PRUNE1: variants seen among roughly 807,000 people sequenced by gnomAD.
PRUNE1 encodes prune exopolyphosphatase 1.
A neutral mutation model predicts 42.5 loss-of-function variants in PRUNE1; 25 were observed. The observed-to-expected ratio is 0.59, with a 90% confidence interval of 0.43 to 0.82. The LOEUF (loss-of-function observed/expected upper bound fraction) is 0.82. PRUNE1 is among the 40% of genes least tolerant of loss of function. The probability of loss-of-function intolerance (pLI) is 0.00; values close to 1 mark genes in which losing one functional copy is unlikely to be tolerated. For missense variants in PRUNE1, 443 were observed against 539.3 expected (o/e 0.82, Z 1.77); for synonymous variants, 203 against 217.1 (o/e 0.93, Z 0.57).
chr1:151,018,708 C>T (rs1401133981), intron 3 of PRUNE1, 39 bp downstream of exon 3: 1 of 1,562,542 alleles, frequency 6.4e-7, no homozygotes. Flanking sequence ...TATCATGTAC[C>T]ATGCTGGGCT....
chr1:151,008,751 T>C, intron 1 of PRUNE1, 80 bp downstream of exon 1: 1 of 1,546,446 alleles, frequency 6.5e-7, no homozygotes, highest in South Asian at 1.1e-5. Context: ...TGGGGGAGCC[T>C]CGACGGTCCG....
At chr1:151,030,046 G>A (rs963607004) in intron 7 of PRUNE1, among the ~76,000 whole-genome samples, 11 of 151,826 alleles carry the variant, frequency 7.2e-5, no homozygotes, top group African/African-American at 1.9e-4. Context: ...GGCAGATCAC[G>A]AGAGCAAGAG....
intron 7 of PRUNE1, among the ~76,000 whole-genome samples, chr1:151,030,108 G>A (rs56399001): frequency 2.0e-5 from 3 of 151,676 alleles, no homozygotes; most frequent in Non-Finnish European, 4.4e-5. Flanking sequence ...TTAAAAATAC[G>A]GAAATTAGCT....
chr1:151,024,367 C>T (rs587656578), intron 3 of PRUNE1, among the ~76,000 whole-genome samples: 4 of 151,702 alleles, frequency 2.6e-5, no homozygotes, highest in East Asian at 3.9e-4. Flanking sequence ...TGTTGGCAGG[C>T]GCCTTTAATC....
chr1:151,012,987 C>T (rs1673870186), intron 1 of PRUNE1, among the ~76,000 whole-genome samples: 1 of 151,974 alleles, frequency 6.6e-6, no homozygotes, highest in Admixed American at 6.6e-5. Flanking sequence ...GGTCTCGAAC[C>T]CCTGACCTGA....
intron 3 of PRUNE1, among the ~76,000 whole-genome samples, chr1:151,019,216 A>G (rs1374915852): frequency 1.3e-5 from 2 of 152,142 alleles, no homozygotes; most frequent in Non-Finnish European, 2.9e-5. Flanking sequence ...AGTTCAAACT[A>G]AAGGGTAACT....
Position 151,027,268 on chromosome 1 carries a change from A to G in PRUNE1, c.715A>G (p.Lys239Glu). 1 of 1,611,764 alleles carries G rather than the reference A, an allele frequency of 6.2e-7. No individual in the cohort carries two copies. Among genetic ancestry groups the G allele is most frequent in the Non-Finnish European group, 8.5e-7 (1 of 1,177,996 alleles). ...TTEQMLRKDQ[K>E]TIYRQGVKVA... is the part of the protein sequence containing the mutation. ...TGAGCAGATGCTGAGAAAAGACCAG[A>G]AGACTATCTATAGACAAGGCGTCAA... Residue 239 changes from lysine (K) to glutamate (E), a missense_variant, in exon 6 of 8, where the codon AAG becomes GAG. Lys to Glu is a moderately conservative substitution (Grantham distance 56). Coordinates refer to ENST00000271620, the MANE Select transcript of PRUNE1 (RefSeq NM_021222.3).
intron 5 of PRUNE1, 110 bp downstream of exon 5, chr1:151,025,783 C>G: frequency 8.8e-7 from 1 of 1,141,574 alleles, no homozygotes. Context: ...CTCTGCCACC[C>G]AGGCTAGAGT....
chr1:151,012,131 T>C (rs185653088), intron 1 of PRUNE1, among the ~76,000 whole-genome samples: 3 of 152,310 alleles, frequency 2.0e-5, no homozygotes, highest in Admixed American at 1.3e-4. Context: ...ATTTATTTAC[T>C]TGTGGCCCTC....
chr1:151,019,427 A>G (rs1674286764), intron 3 of PRUNE1, among the ~76,000 whole-genome samples: 4 of 151,716 alleles, frequency 2.6e-5, no homozygotes, highest in Admixed American at 6.6e-5. Flanking sequence ...ACGGTGGTGC[A>G]TGCCTATGGT....
At chr1:151,028,616 G>C (rs1571810692) in intron 6 of PRUNE1, among the ~76,000 whole-genome samples, 170 bp from the exon 7 acceptor site, 1 of 152,004 alleles carries the variant, frequency 6.6e-6, no homozygotes, top group Non-Finnish European at 1.5e-5. Flanking sequence ...CAGAGACAGG[G>C]TTTCACCATG....
rs1673469969 is a variant in PRUNE1 at position 151,008,476 on chromosome 1, C to T, written c.-157C>T. 8 of 1,170,326 alleles carry T rather than the reference C, an allele frequency of 6.8e-6. No homozygotes were observed. The highest frequency in any genetic ancestry group is 6.3e-6 in the Non-Finnish European group (5 of 799,408). 72.5% of individuals were successfully genotyped at this position (1,170,326 alleles called of 1,614,324 possible). On this transcript the variant is annotated 5_prime_UTR_variant, in exon 1 of 8. Transcript: ENST00000271620. ...CCGCTTACGCAGTTCCTCCCGGGGT[C>T]GGAGGCCGATTCGCCGTGTGGCGGG... is the stretch of plus-strand genomic sequence containing the variant.
chr1:151,012,731 C>T (rs1048882760), intron 1 of PRUNE1, among the ~76,000 whole-genome samples: 3 of 152,100 alleles, frequency 2.0e-5, no homozygotes, highest in Admixed American at 6.6e-5. Flanking sequence ...ATTTAATCCT[C>T]CTAACAACAT....
At position 151,035,324 on chromosome 1, in the gene PRUNE1, G is replaced by A. The variant is rs1330681739; in HGVS notation, c.*1090G>A. 1 of 152,228 alleles carries A rather than the reference G, an allele frequency of 6.6e-6. No homozygotes were observed. Among genetic ancestry groups the A allele is most frequent in the South Asian group, 2.1e-4 (1 of 4,838 alleles). The allele number at this position is 152,228 out of a possible 1,614,324, so 9.4% of individuals were successfully genotyped here. ...CACTTGATTGTCTGTATTTCTGTGT[G>A]GTTGTAGCAAGGACTCAGCCTCATG... On this transcript the variant is annotated 3_prime_UTR_variant, in exon 8 of 8. Coordinates refer to ENST00000271620, the MANE Select transcript of PRUNE1 (RefSeq NM_021222.3).
At chr1:151,018,104 A>G (rs1197120456) in intron 2 of PRUNE1, among the ~76,000 whole-genome samples, 200 bp downstream of exon 2, 1 of 152,042 alleles carries the variant, frequency 6.6e-6, no homozygotes, top group Non-Finnish European at 1.5e-5. Context: ...GAGCAAATAT[A>G]TTTCGAGGGA....
In PRUNE1 at chr1:151,027,125, A is replaced by G. The variant is rs772378085; in HGVS notation, c.680-108A>G. On this transcript the variant is annotated intron_variant, in intron 5 of 7. Transcript: ENST00000271620. The stretch of plus-strand genomic sequence containing the variant: ...AATTATCTCCCCCATTCATTGCCCC[A>G]AAGAGAGGCTGTTTTTCCTTCCTTG... 20 of 685,684 alleles carry G rather than the reference A, an allele frequency of 2.9e-5. No individual in the cohort carries two copies. The South Asian group carries it at 3.5e-4, about 12-fold the overall frequency. The allele number at this position is 685,684 out of a possible 1,614,324, so 42.5% of individuals were successfully genotyped here.
Position 151,028,957 on chromosome 1 carries a change from C to T in PRUNE1, c.933+13C>T. On this transcript the variant is annotated intron_variant, in intron 7 of 7. Transcript: ENST00000271620. ...ACTCCAAACAACGGTGAGTCTGTGT[C>T]CCTTCTCCAACCTAAGAGCCTTACA... 7 of 1,606,322 alleles carry T rather than the reference C, an allele frequency of 4.4e-6. No individual in the cohort carries two copies. The highest frequency in any genetic ancestry group is 6.0e-6 in the Non-Finnish European group (7 of 1,173,198).
intron 5 of PRUNE1, 24 bp from the exon 6 acceptor site, chr1:151,027,209 C>A: frequency 6.4e-7 from 1 of 1,558,468 alleles, no homozygotes; most frequent in South Asian, 1.1e-5. Context: ...CTGTTTGACC[C>A]CTAGTCTCTC....
At chr1:151,029,468 C>T (rs1276463626) in intron 7 of PRUNE1, among the ~76,000 whole-genome samples, 1 of 147,336 alleles carries the variant, frequency 6.8e-6, no homozygotes, top group Non-Finnish European at 1.5e-5. Flanking sequence ...CCTGGGTTAA[C>T]GCCATTGTCC....
Sources: allele counts gnomAD v4.1 joint callset (sites outside exome capture counted in the v4.1 genomes callset), GRCh38; gene constraint gnomAD v4.1.1; transcripts MANE v1.5; gene names NCBI Gene and HGNC (gene_info 2026-07-23, HGNC 2026-07-21).